SYNE1: variants seen among roughly 807,000 people sequenced by gnomAD.
SYNE1 encodes spectrin repeat containing nuclear envelope protein 1.
A neutral mutation model predicts 1,111.0 loss-of-function variants in SYNE1; 616 were observed. The observed-to-expected ratio is 0.55, with a 90% CI of 0.52 to 0.59. The LOEUF (loss-of-function observed/expected upper bound fraction) is 0.59. Ranked by LOEUF, SYNE1 falls within the 20% of genes least tolerant of loss-of-function variation. The pLI, the probability that SYNE1 is intolerant of heterozygous loss-of-function variation, is 0.00. For synonymous variants in SYNE1, 3,855 were observed against 3,825.8 expected (o/e 1.01, Z -0.28); for missense variants, 10,006 against 10,417.0 (o/e 0.96, Z 1.72).
At chr6:152,341,089 T>C (rs1313262497) in intron 74 of SYNE1, among the ~76,000 whole-genome samples, 2 of 152,208 alleles carry the variant, frequency 1.3e-5, no homozygotes, top group Non-Finnish European at 2.9e-5. Context: ...GTGGATTACC[T>C]AGACATGCTG....
At chr6:152,475,002 A>T (rs190347076) in intron 14 of SYNE1, among the ~76,000 whole-genome samples, 2 of 152,320 alleles carry the variant, frequency 1.3e-5, no homozygotes, top group East Asian at 3.9e-4. Context: ...CAATAATAAT[A>T]AATAAATGTG....
At chr6:152,443,506 C>T (rs1039595604) in intron 30 of SYNE1, among the ~76,000 whole-genome samples, 13 of 152,176 alleles carry the variant, frequency 8.5e-5, no homozygotes, top group Admixed American at 2.0e-4. Context: ...CCTCGTGATG[C>T]GCCCGCCTCG....
chr6:152,308,743 G>T lies in SYNE1; in HGVS notation c.17203-111C>A. On this transcript the variant is annotated intron_variant, in intron 90 of 145. Coordinates refer to ENST00000367255, the MANE Select transcript of SYNE1 (RefSeq NM_182961.4). ...TTTACCTGTACAGGTAGGGAATAAA[G>T]AAATGATGGGTAAAATTCCTAGATG... The T allele has an allele frequency of 5.2e-6, 6 of 1,155,504 alleles. No individual in the cohort carries two copies. In the South Asian group the frequency reaches 9.4e-5, roughly 18 times the overall value. The allele number at this position is 1,155,504 out of a possible 1,614,324, so 71.6% of individuals were successfully genotyped here.
chr6:152,623,975 T>C (rs1025236076), intron 3 of SYNE1, among the ~76,000 whole-genome samples: 1 of 152,114 alleles, frequency 6.6e-6, no homozygotes, highest in African/African-American at 2.4e-5. Flanking sequence ...AATATTATAC[T>C]TAAAACAAAA....
intron 127 of SYNE1, among the ~76,000 whole-genome samples, chr6:152,199,085 G>T (rs943735846): frequency 2.0e-5 from 3 of 151,668 alleles, no homozygotes; most frequent in African/African-American, 7.3e-5. Context: ...TATTTCATTT[G>T]CTTCCACATA....
Position 152,453,699 on chromosome 6 carries a change from G to A in SYNE1, c.2914C>T (p.Gln972Ter). 1 of 1,614,124 alleles carries A rather than the reference G, an allele frequency of 6.2e-7. No individual in the cohort carries two copies. The highest frequency in any genetic ancestry group is 8.5e-7 in the Non-Finnish European group (1 of 1,180,032). Residue 972 changes from glutamine (Q) to a stop codon, truncating the protein, a stop_gained, in exon 25 of 146, where the codon CAG becomes TAG. Transcript: ENST00000367255. LOFTEE classifies it high-confidence loss of function. Reference sequence around the variant, plus strand: ...TTCAGGAAAGCATTGAGCACCCTCTGATCCAGCTGACTGAAAAACTCCTGA... The same window carrying A: ...TTCAGGAAAGCATTGAGCACCCTCTAATCCAGCTGACTGAAAAACTCCTGA... ...RHTEFFSQLD[Q>*]RVLNAFLKAC...
intron 3 of SYNE1, among the ~76,000 whole-genome samples, chr6:152,605,184 A>G (rs1583295732): frequency 6.6e-6 from 1 of 152,044 alleles, no homozygotes; most frequent in East Asian, 1.9e-4. Context: ...TCTAAAAAAT[A>G]ACAACTATAT....
intron 3 of SYNE1, among the ~76,000 whole-genome samples, chr6:152,559,051 G>A (rs2099385639): frequency 6.7e-6 from 1 of 150,280 alleles, no homozygotes. Flanking sequence ...TCTGTTGCCT[G>A]GGCTAGAGTG....
intron 16 of SYNE1, among the ~76,000 whole-genome samples, chr6:152,467,343 T>C (rs2098776557): frequency 6.6e-6 from 1 of 152,102 alleles, no homozygotes; most frequent in South Asian, 2.1e-4. Context: ...AAAGAATAAT[T>C]TACTAGAATT....
intron 61 of SYNE1, 160 bp downstream of exon 61, chr6:152,368,812 A>T: frequency 1.2e-6 from 1 of 862,112 alleles, no homozygotes; most frequent in Non-Finnish European, 1.9e-6. Context: ...ATGAACTCAG[A>T]TTGCAAGGCT....
chr6:152,390,006 A>T (rs1186785793), intron 53 of SYNE1, among the ~76,000 whole-genome samples: 1 of 152,154 alleles, frequency 6.6e-6, no homozygotes, highest in Non-Finnish European at 1.5e-5. Context: ...TTGAAAGGAG[A>T]TGTTTTGCTG....
intron 95 of SYNE1, among the ~76,000 whole-genome samples, chr6:152,289,115 T>TA (rs1263129699): frequency 3.3e-5 from 5 of 152,062 alleles, no homozygotes; most frequent in Non-Finnish European, 4.4e-5. Context: ...TCACCTCAAT[T>TA]AAAAAAAATT....
intron 127 of SYNE1, among the ~76,000 whole-genome samples, chr6:152,190,827 T>C (rs1032888914): frequency 6.6e-6 from 1 of 152,210 alleles, no homozygotes; most frequent in Admixed American, 6.5e-5. Context: ...ATGACAGTGG[T>C]GAAAGTGGAC....
chr6:152,339,221 G>A lies in SYNE1; in HGVS notation c.12351+20C>T. On this transcript the variant is annotated intron_variant, in intron 75 of 145. Transcript: ENST00000367255. ...ATATAATAAAACAAACAAATTCAAT[G>A]TGATTTTTCATTTTCTTACCGTTTG... 1.2e-6 allele frequency: 2 copies of A among 1,612,342 alleles called. No individual in the cohort carries two copies. The highest frequency in any genetic ancestry group is 1.7e-6 in the Non-Finnish European group (2 of 1,178,856).
At chr6:152,590,550 A>T (rs902835768) in intron 3 of SYNE1, among the ~76,000 whole-genome samples, 16 of 151,914 alleles carry the variant, frequency 1.1e-4, no homozygotes, top group Non-Finnish European at 1.8e-4. Flanking sequence ...TTATTACTTT[A>T]AAAAAAAGTC....
chr6:152,396,040 T>C (rs748581961), intron 50 of SYNE1, among the ~76,000 whole-genome samples: 15 of 152,208 alleles, frequency 9.9e-5, no homozygotes, highest in Non-Finnish European at 2.1e-4. Flanking sequence ...TCATAGCTGG[T>C]AATTGCCAAC....
intron 31 of SYNE1, 34 bp from the exon 32 acceptor site, chr6:152,441,304 C>T: frequency 6.3e-7 from 1 of 1,585,632 alleles, no homozygotes; most frequent in South Asian, 1.1e-5. Flanking sequence ...AAATGGGTTA[C>T]AAATGTCACA....
chr6:152,254,912 T>C lies in SYNE1; in HGVS notation c.19438A>G (p.Lys6480Glu). 1 of 1,613,994 alleles carries C rather than the reference T, an allele frequency of 6.2e-7. No homozygotes were observed. The highest frequency in any genetic ancestry group is 8.5e-7 in the Non-Finnish European group (1 of 1,179,946). ...SVVNQRCHQMKERLQQILNFQ... is the reference protein window; with the variant it reads ...SVVNQRCHQMEERLQQILNFQ... ...TTTAGTATTTGCTGAAGTCTTTCTTTCATCTGATGACATCGTTGATTCACT... is the reference window on the plus strand; with the variant it reads ...TTTAGTATTTGCTGAAGTCTTTCTTCCATCTGATGACATCGTTGATTCACT... Residue 6480 changes from lysine (K) to glutamate (E), a missense_variant, in exon 104 of 146, where the codon AAA becomes GAA. Coordinates refer to ENST00000367255, the MANE Select transcript of SYNE1 (RefSeq NM_182961.4).
chr6:152,606,976 C>CTTTTTTTTTTT (rs11387272), intron 3 of SYNE1, among the ~76,000 whole-genome samples: 21 of 109,102 alleles, frequency 1.9e-4, no homozygotes, highest in African/African-American at 7.5e-4. Flanking sequence ...TGCCTCGGTT[C>CTTTTTTTTTTT]TCTTTTTTTT....
Sources: gnomAD v4.1 joint callset for allele counts (sites outside exome capture counted in the v4.1 genomes callset) on GRCh38, gnomAD v4.1.1 for gene constraint, MANE v1.5 for transcripts, NCBI Gene and HGNC (gene_info 2026-07-23, HGNC 2026-07-21) for gene names.